The following EVC variants were observed in gnomAD, a reference collection of about 807,000 sequenced individuals.
EVC encodes evC complex member EVC.
In EVC, 116 loss-of-function variants were observed where a neutral mutation model predicts 118.9. The observed-to-expected ratio is 0.98, with a 90% CI of 0.84 to 1.14. The LOEUF (loss-of-function observed/expected upper bound fraction) is 1.14. Ranked by LOEUF, EVC falls within the 50% of genes most tolerant of loss-of-function variation. EVC has a pLI of 0.00. For synonymous variants in EVC, 619 were observed against 534.7 expected (o/e 1.16, Z -2.18); for missense variants, 1,401 against 1,246.4 (o/e 1.12, Z -1.87).
At chr4:5,787,590 C>T (rs1157875391) in intron 12 of EVC, among the ~76,000 whole-genome samples, 1 of 152,142 alleles carries the variant, frequency 6.6e-6, no homozygotes, top group Non-Finnish European at 1.5e-5. Flanking sequence ...ACCTGCCAAC[C>T]CTCATTTCAG....
chr4:5,735,791 T>G (rs1302582284), intron 5 of EVC, among the ~76,000 whole-genome samples: 1 of 152,100 alleles, frequency 6.6e-6, no homozygotes, highest in African/African-American at 2.4e-5. Flanking sequence ...GCACCCTGCA[T>G]GTTAAAGGTG....
chr4:5,794,301 ATATTTT>A (rs1188492986), intron 13 of EVC, among the ~76,000 whole-genome samples: 96 of 96,178 alleles, frequency 1.0e-3, no homozygotes, highest in Admixed American at 2.8e-3. Context: ...TTATATATTT[ATATTTT>A]TATATATTTA....
At chr4:5,752,735 ATTAG>A in intron 8 of EVC, 97 bp from the exon 9 acceptor site, 1 of 1,182,140 alleles carries the variant, frequency 8.5e-7, no homozygotes, top group Non-Finnish European at 1.3e-6. Context: ...AGGCAGTGCC[ATTAG>A]TTAATGACCC....
At chr4:5,775,550 G>A (rs1403292439) in intron 11 of EVC, among the ~76,000 whole-genome samples, 1 of 152,140 alleles carries the variant, frequency 6.6e-6, no homozygotes, top group East Asian at 1.9e-4. Context: ...CATGTGCTTT[G>A]TCCCATTGGC....
chr4:5,717,902 T>A (rs1216337632), intron 1 of EVC, among the ~76,000 whole-genome samples: 1 of 152,246 alleles, frequency 6.6e-6, no homozygotes, highest in Non-Finnish European at 1.5e-5. Flanking sequence ...CTTCTCTCAC[T>A]GCAATGTCAA....
Position 5,808,268 on chromosome 4 carries a change from C to T in EVC, c.2629C>T (p.Gln877Ter). ...PVHQQMRLHA[Q>*]QQQAGVMDLL... The stretch of plus-strand genomic sequence containing the variant: ...GCACCAGCAGATGCGTCTGCACGCC[C>T]AGCAGCAGCAGGCAGGAGTCATGGA... Residue 877 changes from glutamine (Q) to a stop codon, truncating the protein, a stop_gained, in exon 18 of 21, where the codon CAG becomes TAG. Transcript: ENST00000264956. LOFTEE classifies it high-confidence loss of function. 1.2e-6 allele frequency: 2 copies of T among 1,612,760 alleles called. No individual in the cohort carries two copies. Among genetic ancestry groups the T allele is most frequent in the Non-Finnish European group, 1.7e-6 (2 of 1,179,420 alleles).
chr4:5,783,963 C>T lies in EVC; in HGVS notation c.1776+199C>T, dbSNP rs112126279. On this transcript the variant is annotated intron_variant, in intron 12 of 20. Transcript: ENST00000264956. ...GCCCTTATCTCCCTCAACAGGAAGT[C>T]GGAGATCATACCTTAAGTTGATCGA... 0.013 allele frequency among the ~76,000 whole-genome samples: 2,051 copies of T among 152,206 alleles called. 49 individuals are homozygous for T. Among genetic ancestry groups the T allele is most frequent in the African/African-American group, 0.047 (1,943 of 41,520 alleles).
chr4:5,810,542 A>C (rs959702442), intron 20 of EVC, 92 bp downstream of exon 20: 3 of 917,992 alleles, frequency 3.3e-6, no homozygotes, highest in African/African-American at 1.6e-5. Context: ...GAAAATCATC[A>C]GTCCCCTCAG....
rs1713205522 is a variant in EVC at position 5,793,633 on chromosome 4, C to T, written c.1802C>T (p.Ser601Phe). The T allele has an allele frequency of 7.1e-6, 11 of 1,552,386 alleles. No homozygotes were observed. The South Asian group carries it at 1.3e-4, about 18-fold the overall frequency. Residue 601 changes from serine to phenylalanine, a missense_variant, in exon 13 of 21, where the codon TCC becomes TTC. Coordinates refer to ENST00000264956, the MANE Select transcript of EVC (RefSeq NM_153717.3). ...GTGTGGATGGAGGAGTGTGCGCTGT[C>T]CAGCGTGCTGCAGACACACCTGCGG... ...QQVWMEECAL[S>F]SVLQTHLRED...
intron 15 of EVC, among the ~76,000 whole-genome samples, chr4:5,799,694 T>TG (rs1374302888): frequency 6.6e-6 from 1 of 152,182 alleles, no homozygotes; most frequent in Non-Finnish European, 1.5e-5. Flanking sequence ...CATCGGGAAG[T>TG]GCAGGAGCCC....
At chr4:5,794,287 AT>A (rs1335234955) in intron 13 of EVC, among the ~76,000 whole-genome samples, 1 of 140,028 alleles carries the variant, frequency 7.1e-6, no homozygotes, top group South Asian at 2.1e-4. Flanking sequence ...ATTTATATAT[AT>A]TTTTATATAT....
rs747034 is a variant in EVC at position 5,756,216 on chromosome 4, A to G, written c.1465-48A>G. ...TGGAGAACCTTCTGGAAAAAAAAAAAAAAACCCTGCATGTTTCTACCAGAC... is the reference window on the plus strand; with the variant it reads ...TGGAGAACCTTCTGGAAAAAAAAAAGAAAACCCTGCATGTTTCTACCAGAC... On this transcript the variant is annotated intron_variant, in intron 10 of 20. Transcript: ENST00000264956. This position sits in a 1 kb window ranked among gnomAD's most constrained non-coding sequence, Gnocchi z 4.2. 6.8e-7 allele frequency: 1 copy of G among 1,462,400 alleles called. No individual in the cohort carries two copies. The highest frequency in any genetic ancestry group is 1.2e-5 in the South Asian group (1 of 80,962). The allele number at this position is 1,462,400 out of a possible 1,614,324, so 90.6% of individuals were successfully genotyped here.
At chr4:5,792,943 G>C (rs1484130550) in intron 12 of EVC, among the ~76,000 whole-genome samples, 3 of 152,166 alleles carry the variant, frequency 2.0e-5, no homozygotes, top group Non-Finnish European at 4.4e-5. Context: ...GGAAAACTCA[G>C]TTTTCCAAAG....
chr4:5,726,742 C>A (rs186416577), intron 2 of EVC, among the ~76,000 whole-genome samples: 2 of 126,698 alleles, frequency 1.6e-5, no homozygotes, highest in Non-Finnish European at 3.2e-5. Flanking sequence ...CGACAACAGT[C>A]CCCAGAGTGT....
chr4:5,803,060 G>A (rs1384508862), intron 16 of EVC, among the ~76,000 whole-genome samples: 10 of 152,182 alleles, frequency 6.6e-5, no homozygotes, highest in South Asian at 4.1e-4. Context: ...GAATTTTCCC[G>A]CATGGGCTCT....
chr4:5,787,117 TA>T (rs1414814008), intron 12 of EVC, among the ~76,000 whole-genome samples: 1 of 152,170 alleles, frequency 6.6e-6, no homozygotes, highest in Non-Finnish European at 1.5e-5. Flanking sequence ...GGGAAGTTAT[TA>T]AAAATTAATG....
At chr4:5,721,339 A>G (rs932756463) in intron 2 of EVC, among the ~76,000 whole-genome samples, 9 of 152,086 alleles carry the variant, frequency 5.9e-5, no homozygotes, top group African/African-American at 2.2e-4. Flanking sequence ...AATAAAATGA[A>G]GGGCCGATGG....
intron 5 of EVC, 127 bp from the exon 6 acceptor site, chr4:5,741,589 G>A (rs1240393956): frequency 1.6e-6 from 1 of 628,348 alleles, no homozygotes; most frequent in Non-Finnish European, 2.9e-6. Flanking sequence ...CGTGAAGAGA[G>A]GGTGAAAGAG....
At chr4:5,819,696 C>T in the EVC span, among the ~76,000 whole-genome samples, 1 of 152,342 alleles carries the variant, frequency 6.6e-6, no homozygotes, top group South Asian at 2.1e-4. Context: ...CTTCATCCTG[C>T]CAACTTTACT....
Sources: allele counts gnomAD v4.1 joint callset (sites outside exome capture counted in the v4.1 genomes callset), GRCh38; gene constraint gnomAD v4.1.1; non-coding constraint Gnocchi (gnomAD v3.1); transcripts MANE v1.5; gene names NCBI Gene and HGNC (gene_info 2026-07-23, HGNC 2026-07-21).